The following PLEKHM1 variants were observed in gnomAD, a reference collection of about 807,000 sequenced individuals.
PLEKHM1 encodes pleckstrin homology domain-containing family M member 1.
PLEKHM1 carries 28 observed loss-of-function variants against 94.3 expected under a neutral mutation model. That is an observed-to-expected ratio of 0.30 (90% CI 0.22 to 0.41). The LOEUF (loss-of-function observed/expected upper bound fraction) is 0.41. Among genes scored for constraint, PLEKHM1 ranks in the 10% least tolerant of loss-of-function variants. The pLI is 1.00. For synonymous variants in PLEKHM1, 424 were observed against 581.2 expected (o/e 0.73, Z 3.89); for missense variants, 907 against 1,358.6 (o/e 0.67, Z 5.22).
chr17:45,458,119 G>C (rs745544860), intron 6 of PLEKHM1, 50 bp downstream of exon 6: 1 of 1,561,362 alleles, frequency 6.4e-7, no homozygotes, highest in African/African-American at 1.4e-5. Flanking sequence ...CCTTCTGAAA[G>C]GCCTGGTCCC....
chr17:45,446,903 T>A (rs1032760270), intron 8 of PLEKHM1, among the ~76,000 whole-genome samples: 5 of 152,136 alleles, frequency 3.3e-5, no homozygotes, highest in African/African-American at 1.2e-4. Flanking sequence ...ATCTGTAAAA[T>A]GGGGAAAATG....
rs1182588049 is a variant in PLEKHM1, at chr17:45,468,291, A to G, written c.1226T>C (p.Val409Ala). Residue 409 changes from valine (V) to alanine (A), a missense_variant, in exon 5 of 12, where the codon GTG (valine) becomes GCG (alanine). Physicochemically the swap from Val to Ala is moderately conservative, Grantham distance 64. This residue lies in a region of PLEKHM1 where 477 missense variants were observed against 601.5 expected (regional missense o/e 0.79). Transcript: ENST00000430334. Reference sequence around the variant, plus strand: ...CTTCTGCAGGCCATTCCCTTGGCCCACTTCTCTGGCTGTCTCGCTGACAGT... The same window carrying G: ...CTTCTGCAGGCCATTCCCTTGGCCCGCTTCTCTGGCTGTCTCGCTGACAGT... Reference protein sequence around the residue: ...SSTVSETAREVGQGNGLQKAQ... With the variant: ...SSTVSETAREAGQGNGLQKAQ... 3.1e-6 allele frequency: 5 copies of G among 1,613,280 alleles called. No homozygotes were observed. In the African/African-American group the frequency reaches 6.7e-5, roughly 22 times the overall value.
At position 45,443,627 on chromosome 17, in the gene PLEKHM1, G is replaced by A. The variant is rs561270412; in HGVS notation, c.2837+1843C>T. Among the ~76,000 whole-genome samples, 13 of 152,246 alleles carry A rather than the reference G, an allele frequency of 8.5e-5. No individual in the cohort carries two copies. The East Asian group carries it at 2.1e-3, about 25-fold the overall frequency. ...AGACTCTCTCAGCAGGGTGGGGATGGGTGAATGGGGCTGGGGTCCACAACC... is the reference window on the plus strand; with the variant it reads ...AGACTCTCTCAGCAGGGTGGGGATGAGTGAATGGGGCTGGGGTCCACAACC... On this transcript the variant is annotated intron_variant, in intron 9 of 11. Transcript: ENST00000430334.
chr17:45,441,287 TC>T (rs2050438783), intron 9 of PLEKHM1, among the ~76,000 whole-genome samples: 1 of 152,056 alleles, frequency 6.6e-6, no homozygotes, highest in Admixed American at 6.5e-5. Flanking sequence ...CTGTGGAGCA[TC>T]TGGAATGGGG....
At chr17:45,452,145 C>T (rs1426885554) in intron 7 of PLEKHM1, among the ~76,000 whole-genome samples, 1 of 152,090 alleles carries the variant, frequency 6.6e-6, no homozygotes, top group East Asian at 1.9e-4. Flanking sequence ...ATGCCATCTG[C>T]CCCTGGATGG....
rs1280677081 is a variant in PLEKHM1, at chr17:45,468,362, G to A, written c.1155C>T (p.Asp385=). Residue 385 remains aspartate (D), a synonymous_variant, in exon 5 of 12, where the codon GAC becomes GAT. Transcript: ENST00000430334. ...AGGTGCTCTCTACAGGCTGCTGTAA[G>A]TCCAGGGGGCTGGGCGCCTGGGGAC... ...EPRPQAPSPL[D]LQQPVESTSG... The A allele has an allele frequency of 3.1e-6, 5 of 1,614,050 alleles. No individual in the cohort carries two copies. The highest frequency in any genetic ancestry group is 3.4e-6 in the Non-Finnish European group (4 of 1,180,034).
At chr17:45,468,744 G>C in intron 4 of PLEKHM1, 151 bp from the exon 5 acceptor site, 1 of 809,550 alleles carries the variant, frequency 1.2e-6, no homozygotes, top group Admixed American at 2.3e-5. Context: ...CCCTCACGCA[G>C]TCCTCCTCTG....
intron 1 of PLEKHM1, among the ~76,000 whole-genome samples, chr17:45,487,472 T>C (rs1266772619): frequency 1.3e-5 from 2 of 152,218 alleles, no homozygotes; most frequent in African/African-American, 4.8e-5. Context: ...GAAGCTCCAT[T>C]TCATCACAGA....
chr17:45,437,832 T>C lies in PLEKHM1; in HGVS notation c.*26A>G. ...GGCTGAGCCACACTCACCCCCGGCTTTCAGAGCGGGGTCAGCAGATGGGCA... is the reference window on the plus strand; with the variant it reads ...GGCTGAGCCACACTCACCCCCGGCTCTCAGAGCGGGGTCAGCAGATGGGCA... On this transcript the variant is annotated 3_prime_UTR_variant, in exon 12 of 12. Transcript: ENST00000430334. The surrounding 1 kb of genome is among the most constrained non-coding windows in gnomAD (Gnocchi z 4.0). 6.3e-7 allele frequency: 1 copy of C among 1,580,334 alleles called. No individual in the cohort carries two copies.
chr17:45,447,430 G>C (rs1364121542), intron 8 of PLEKHM1, among the ~76,000 whole-genome samples: 1 of 152,270 alleles, frequency 6.6e-6, no homozygotes, highest in African/African-American at 2.4e-5. Context: ...CCCAGGCCTT[G>C]GGTGAGGCTC....
chr17:45,453,454 C>A lies in PLEKHM1; in HGVS notation c.2398G>T (p.Val800Leu). The A allele has an allele frequency of 1.2e-6, 2 of 1,610,800 alleles. No individual in the cohort carries two copies. Among genetic ancestry groups the A allele is most frequent in the Non-Finnish European group, 8.5e-7 (1 of 1,178,508 alleles). Residue 800 changes from valine (V) to leucine (L), a missense_variant, in exon 7 of 12, where the codon GTG (valine) becomes TTG (leucine). By Grantham distance (32) the Val-to-Leu change is conservative. Around this residue, in one of 3 missense-constraint regions of PLEKHM1, gnomAD observed 254 missense variants for 451.1 expected, o/e 0.56. Coordinates refer to ENST00000430334, the MANE Select transcript of PLEKHM1 (RefSeq NM_014798.3). The surrounding 1 kb of genome is among the most constrained non-coding windows in gnomAD (Gnocchi z 4.1). ...GGSLDENCQE[V>L]LKFATRENGF... ...TTCTCCCGGGTGGCAAATTTCAGCA[C>A]CTCCTGACAGTTTTCATCCAGGCTC...
intron 1 of PLEKHM1, among the ~76,000 whole-genome samples, chr17:45,485,887 C>T (rs1256923921): frequency 6.6e-6 from 1 of 151,442 alleles, no homozygotes; most frequent in Non-Finnish European, 1.5e-5. Context: ...CCACTGCACT[C>T]CAGCCGGGGC....
Position 45,444,915 on chromosome 17 carries a change from C to T in PLEKHM1, c.2837+555G>A, listed in dbSNP as rs2050555458. Among the ~76,000 whole-genome samples the T allele has an allele frequency of 6.6e-6, 1 of 152,126 alleles. No homozygotes were observed. Among genetic ancestry groups the T allele is most frequent in the East Asian group, 1.9e-4 (1 of 5,190 alleles). Reference sequence around the variant, plus strand: ...GCTTTCCCACCTGTCTCCCTCTCACCCTCACCCCCGGATGGAGTTGCTGGC... The same window carrying T: ...GCTTTCCCACCTGTCTCCCTCTCACTCTCACCCCCGGATGGAGTTGCTGGC... On this transcript the variant is annotated intron_variant, in intron 9 of 11. Coordinates refer to ENST00000430334, the MANE Select transcript of PLEKHM1 (RefSeq NM_014798.3). The surrounding 1 kb of genome is among the most constrained non-coding windows in gnomAD (Gnocchi z 5.0).
At chr17:45,474,752 C>T (rs897570757) in intron 4 of PLEKHM1, among the ~76,000 whole-genome samples, 10 of 152,080 alleles carry the variant, frequency 6.6e-5, no homozygotes, top group African/African-American at 1.9e-4. Context: ...AGGCTGGCCT[C>T]GAACTGCTGG....
intron 2 of PLEKHM1, among the ~76,000 whole-genome samples, chr17:45,481,781 A>G (rs2051961531): frequency 6.6e-6 from 1 of 151,950 alleles, no homozygotes. Flanking sequence ...TGAGAGCTAC[A>G]GTTTCTTTCA....
At chr17:45,467,346 C>T (rs944620244) in intron 5 of PLEKHM1, among the ~76,000 whole-genome samples, 21 of 152,242 alleles carry the variant, frequency 1.4e-4, no homozygotes, top group African/African-American at 4.8e-4. Flanking sequence ...TCACATGGCA[C>T]ATCTCCATTT....
intron 1 of PLEKHM1, chr17:45,487,830 C>T (rs887851667): frequency 3.1e-5 from 14 of 455,942 alleles, no homozygotes; most frequent in Middle Eastern, 3.2e-4. Context: ...CCACTCCCCA[C>T]GGCCTTCTCT....
intron 5 of PLEKHM1, among the ~76,000 whole-genome samples, chr17:45,461,786 A>G (rs1399560012): frequency 6.6e-6 from 1 of 152,104 alleles, no homozygotes; most frequent in African/African-American, 2.4e-5. Context: ...TCTCTTTTGA[A>G]TCTGAAGCTG....
chr17:45,490,514 T>G, intron 1 of PLEKHM1, 138 bp downstream of exon 1: 1 of 365,970 alleles, frequency 2.7e-6, no homozygotes, highest in South Asian at 1.9e-5. Context: ...TGGACAGGGC[T>G]GAGGGCCCTG....
Sources: gnomAD v4.1 joint callset for allele counts (sites outside exome capture counted in the v4.1 genomes callset) on GRCh38, gnomAD v4.1.1 for gene constraint, gnomAD v4.1.1 regional missense constraint, Gnocchi (gnomAD v3.1) non-coding constraint, MANE v1.5 for transcripts, NCBI Gene and HGNC (gene_info 2026-07-23, HGNC 2026-07-21) for gene names.